SLC24A2: variants seen among roughly 807,000 people sequenced by gnomAD.
SLC24A2 encodes solute carrier family 24 member 2.
SLC24A2 carries 36 observed loss-of-function variants against 62.0 expected under a neutral mutation model. The ratio of observed to expected loss-of-function variants is 0.58; its 90% confidence interval spans 0.44 to 0.77. The LOEUF (loss-of-function observed/expected upper bound fraction) is 0.77. SLC24A2 is among the 30% of genes least tolerant of loss of function. The probability of loss-of-function intolerance (pLI) is 0.00; values close to 1 mark genes in which losing one functional copy is unlikely to be tolerated. For synonymous variants in SLC24A2, 358 were observed against 294.0 expected (o/e 1.22, Z -2.23); for missense variants, 846 against 817.9 (o/e 1.03, Z -0.42).
the SLC24A2 span, among the ~76,000 whole-genome samples, chr9:20,150,716 T>C: frequency 2.6e-5 from 4 of 151,200 alleles, 1 homozygote; most frequent in South Asian, 8.3e-4. Context: ...TTATGAGAAA[T>C]AGTAAAAATT....
intron 2 of SLC24A2, among the ~76,000 whole-genome samples, chr9:19,769,790 T>C (rs1335731403): frequency 6.6e-6 from 1 of 152,106 alleles, no homozygotes; most frequent in African/African-American, 2.4e-5. Context: ...CCAGAAAAGA[T>C]GGCACCTTTC....
chr9:19,935,249 AG>A, the SLC24A2 span, among the ~76,000 whole-genome samples: 1 of 151,662 alleles, frequency 6.6e-6, no homozygotes, highest in Non-Finnish European at 1.5e-5. Flanking sequence ...TGTTAAAGAC[AG>A]GGGGGTTCTA....
chr9:19,878,384 T>C, the SLC24A2 span, among the ~76,000 whole-genome samples: 1 of 152,118 alleles, frequency 6.6e-6, no homozygotes, highest in Non-Finnish European at 1.5e-5. Context: ...TTTTAAAAAA[T>C]TAATCCTGCT....
chr9:20,260,845 C>CTTTTTT, the SLC24A2 span, among the ~76,000 whole-genome samples: 815 of 110,310 alleles, frequency 7.4e-3, 53 homozygotes, highest in East Asian at 0.038. Context: ...ACGTATCATT[C>CTTTTTT]TTTCTTTTTT....
the SLC24A2 span, among the ~76,000 whole-genome samples, chr9:20,304,896 G>C: frequency 6.6e-6 from 1 of 151,624 alleles, no homozygotes; most frequent in Non-Finnish European, 1.5e-5. Context: ...GGTCACGACA[G>C]TAACTGCCCA....
chr9:19,926,034 G>A, the SLC24A2 span: 1 of 152,116 alleles, frequency 6.6e-6, no homozygotes, highest in Admixed American at 6.5e-5. Context: ...CTGTTTTCCT[G>A]GTGATGGTTT....
chr9:20,074,555 C>CAGGAAGGAAGGA, the SLC24A2 span, among the ~76,000 whole-genome samples: 519 of 87,344 alleles, frequency 5.9e-3, 16 homozygotes, highest in African/African-American at 0.026. Context: ...GAGAAGAAGG[C>CAGGAAGGAAGGA]AGGAAGGAAG....
At chr9:19,525,819 C>G (rs928688171) in intron 9 of SLC24A2, among the ~76,000 whole-genome samples, 3 of 112,358 alleles carry the variant, frequency 2.7e-5, no homozygotes, top group South Asian at 2.9e-4. Context: ...GAAGTGATAT[C>G]TTGGATTAGT....
intron 4 of SLC24A2, among the ~76,000 whole-genome samples, chr9:19,597,850 G>C (rs1210446218): frequency 1.3e-5 from 2 of 152,160 alleles, no homozygotes; most frequent in African/African-American, 4.8e-5. Flanking sequence ...TGCTCTGGGA[G>C]GAAAAAGGAG....
At chr9:19,576,828 T>A in intron 6 of SLC24A2, 96 bp downstream of exon 6, 1 of 871,684 alleles carries the variant, frequency 1.1e-6, no homozygotes, top group Non-Finnish European at 2.0e-6. Context: ...GGTGTGTGTG[T>A]CTGCACTGAG....
chr9:19,833,584 T>C, the SLC24A2 span, among the ~76,000 whole-genome samples: 5 of 152,130 alleles, frequency 3.3e-5, no homozygotes, highest in East Asian at 1.9e-4. Context: ...CAGGGAAGCT[T>C]GAACTGGGTG....
chr9:20,281,796 T>G, the SLC24A2 span, among the ~76,000 whole-genome samples: 1 of 152,338 alleles, frequency 6.6e-6, no homozygotes, highest in African/African-American at 2.4e-5. Flanking sequence ...GTTTATAGCT[T>G]TTGGCAAACA....
At chr9:19,815,356 T>C in the SLC24A2 span, among the ~76,000 whole-genome samples, 168 of 152,268 alleles carry the variant, frequency 1.1e-3, no homozygotes, top group African/African-American at 3.8e-3. Context: ...TGAGGATACA[T>C]TGCTTGTACT....
intron 2 of SLC24A2, among the ~76,000 whole-genome samples, chr9:19,667,665 A>C (rs1038526780): frequency 6.6e-6 from 1 of 152,114 alleles, no homozygotes; most frequent in Non-Finnish European, 1.5e-5. Flanking sequence ...CAAGACCTAT[A>C]GACTGGAGGG....
At chr9:20,134,104 G>C in the SLC24A2 span, among the ~76,000 whole-genome samples, 4 of 152,110 alleles carry the variant, frequency 2.6e-5, no homozygotes, top group African/African-American at 9.7e-5. Context: ...ATATCGATGA[G>C]AGCTGAAGCT....
chr9:19,969,724 G>A, the SLC24A2 span, among the ~76,000 whole-genome samples: 1 of 152,186 alleles, frequency 6.6e-6, no homozygotes, highest in Non-Finnish European at 1.5e-5. Flanking sequence ...AGAGGGGATT[G>A]TAGGAAATTC....
chr9:19,951,252 GTGTGTGTGTGTT>G, the SLC24A2 span, among the ~76,000 whole-genome samples: 5 of 147,884 alleles, frequency 3.4e-5, no homozygotes, highest in East Asian at 6.5e-4. Flanking sequence ...GTGTGTGTGT[GTGTGTGTGTGTT>G]TTAACATATT....
At chr9:19,775,883 G>A (rs1822831139) in intron 2 of SLC24A2, among the ~76,000 whole-genome samples, 1 of 152,106 alleles carries the variant, frequency 6.6e-6, no homozygotes, top group Non-Finnish European at 1.5e-5. Context: ...AGCTTTGCAG[G>A]GCAGCCCTGC....
the SLC24A2 span, among the ~76,000 whole-genome samples, chr9:20,212,658 G>A: frequency 6.6e-6 from 1 of 151,070 alleles, no homozygotes; most frequent in Non-Finnish European, 1.5e-5. Flanking sequence ...GGAAATAAGA[G>A]AGCTGAAAGA....
Sources: gnomAD v4.1 joint callset for allele counts (sites outside exome capture counted in the v4.1 genomes callset) on GRCh38, gnomAD v4.1.1 for gene constraint, MANE v1.5 for transcripts, NCBI Gene and HGNC (gene_info 2026-07-23, HGNC 2026-07-21) for gene names.